ZEB1: variants seen among roughly 807,000 people sequenced by gnomAD.
The protein encoded by ZEB1 is zinc finger E-box-binding homeobox 1.
Under a neutral mutation model 84.9 loss-of-function variants are expected in ZEB1, and 21 were observed. That is an observed-to-expected ratio of 0.25 (90% CI 0.18 to 0.36). ZEB1 has a LOEUF of 0.36. Ranked by LOEUF, ZEB1 falls within the 10% of genes least tolerant of loss-of-function variation. ZEB1 has a pLI of 1.00. For synonymous variants in ZEB1, 420 were observed against 471.1 expected (o/e 0.89, Z 1.41); for missense variants, 1,104 against 1,330.2 (o/e 0.83, Z 2.65).
At chr10:31,511,753 A>G (rs1014285727) in intron 5 of ZEB1, among the ~76,000 whole-genome samples, 1 of 152,148 alleles carries the variant, frequency 6.6e-6, no homozygotes, top group Non-Finnish European at 1.5e-5. Context: ...GATGTACCTA[A>G]TATGTGTCAC....
At chr10:31,331,812 G>C (rs894702331) in intron 1 of ZEB1, among the ~76,000 whole-genome samples, 1 of 152,144 alleles carries the variant, frequency 6.6e-6, no homozygotes, top group African/African-American at 2.4e-5. Context: ...TAAAACTGTA[G>C]GGTGAGCGGA....
In ZEB1 at chr10:31,357,072, TTAAAAG is replaced by T. The variant is rs375250306; in HGVS notation, c.58+37784_58+37789del. ...CCATATAGAAATCTTCAATATCTATTTAAAAGTAAGAGGTCAAAAGTATTTCTAGGA... is the reference window on the plus strand; with the variant it reads ...CCATATAGAAATCTTCAATATCTATTTAAGAGGTCAAAAGTATTTCTAGGA... On this transcript the variant is annotated intron_variant, in intron 1 of 8. Coordinates refer to ENST00000424869, the MANE Select transcript of ZEB1 (RefSeq NM_001174096.2). 2.6e-4 allele frequency among the ~76,000 whole-genome samples: 39 copies of T among 152,238 alleles called. 1 individual carries two copies. The highest frequency in any genetic ancestry group is 8.2e-4 in the African/African-American group (34 of 41,548).
At chr10:31,327,974 C>G (rs1172443604) in intron 1 of ZEB1, among the ~76,000 whole-genome samples, 1 of 151,924 alleles carries the variant, frequency 6.6e-6, no homozygotes, top group African/African-American at 2.4e-5. Flanking sequence ...CTATTCATAC[C>G]CTTTACCCCT....
intron 1 of ZEB1, among the ~76,000 whole-genome samples, chr10:31,366,517 C>A (rs1461675217): frequency 1.3e-5 from 2 of 152,144 alleles, no homozygotes; most frequent in Non-Finnish European, 2.9e-5. Flanking sequence ...GTTACACTAT[C>A]ATAACATACC....
At chr10:31,404,979 G>A (rs1182600451) in intron 1 of ZEB1, among the ~76,000 whole-genome samples, 1 of 152,082 alleles carries the variant, frequency 6.6e-6, no homozygotes, top group African/African-American at 2.4e-5. Flanking sequence ...TTCTGCTACT[G>A]CTATGTTGAA....
intron 1 of ZEB1, chr10:31,363,535 T>A (rs1329776567): frequency 6.5e-7 from 1 of 1,528,416 alleles, no homozygotes; most frequent in African/African-American, 1.4e-5. Flanking sequence ...TTTATTGTCC[T>A]CCTGCCCCTG....
chr10:31,449,562 T>G (rs2060278215), intron 1 of ZEB1, among the ~76,000 whole-genome samples: 1 of 152,214 alleles, frequency 6.6e-6, no homozygotes, highest in African/African-American at 2.4e-5. Flanking sequence ...TTCCAAATGA[T>G]TTTTATTAAA....
intron 1 of ZEB1, among the ~76,000 whole-genome samples, chr10:31,360,718 G>A (rs373356940): frequency 4.6e-5 from 7 of 152,278 alleles, no homozygotes; most frequent in East Asian, 3.9e-4. Flanking sequence ...GTCTAATCAC[G>A]TTGAAATATT....
At chr10:31,374,338 G>A (rs764867054) in intron 1 of ZEB1, among the ~76,000 whole-genome samples, 5 of 151,750 alleles carry the variant, frequency 3.3e-5, no homozygotes, top group Non-Finnish European at 7.4e-5. Context: ...ACCCAGCACA[G>A]CATCTGTCAT....
intron 1 of ZEB1, among the ~76,000 whole-genome samples, chr10:31,378,256 G>T (rs2047024501): frequency 6.6e-6 from 1 of 151,422 alleles, no homozygotes; most frequent in Non-Finnish European, 1.5e-5. Context: ...GGAGGTCTAT[G>T]CTCTGATAGG....
Position 31,379,169 on chromosome 10 carries a change from G to A in ZEB1, c.58+59877G>A, listed in dbSNP as rs143412597. Among the ~76,000 whole-genome samples, 1,395 of 152,068 alleles carry A rather than the reference G, an allele frequency of 9.2e-3. 15 individuals are homozygous for A. Among genetic ancestry groups the A allele is most frequent in the Admixed American group, 0.015 (227 of 15,238 alleles). On this transcript the variant is annotated intron_variant, in intron 1 of 8. Coordinates refer to ENST00000424869, the MANE Select transcript of ZEB1 (RefSeq NM_001174096.2). The stretch of plus-strand genomic sequence containing the variant: ...ACAGAAGGACTCATTTGAATCATGA[G>A]ATAATTTGTGAGAATGCAGACCCAA...
At position 31,526,685 on chromosome 10, in the gene ZEB1, T is replaced by C. The variant is rs746188655; in HGVS notation, c.2799T>C (p.His933=). 10 of 1,613,974 alleles carry C rather than the reference T, an allele frequency of 6.2e-6. No homozygotes were observed. Among genetic ancestry groups the C allele is most frequent in the Middle Eastern group, 1.7e-4 (1 of 6,056 alleles). The change falls in exon 9 of 9, where the codon CAT becomes CAC. Residue 933 remains histidine, a synonymous_variant. Transcript: ENST00000424869. ...HKYEHTGKRP[H]ECGICKKAFK... ...CTTATTTTGCAGGTAAAAGACCTCA[T>C]GAGTGTGGAATCTGTAAAAAGGCAT...
intron 1 of ZEB1, among the ~76,000 whole-genome samples, chr10:31,364,824 C>G (rs1021837142): frequency 3.3e-5 from 5 of 152,206 alleles, no homozygotes; most frequent in African/African-American, 1.2e-4. Context: ...AGCATCTATT[C>G]TTATTTTTTC....
chr10:31,454,359 A>G (rs7087223), intron 1 of ZEB1, among the ~76,000 whole-genome samples: 37,904 of 152,058 alleles, frequency 0.25, 10,466 homozygotes, highest in African/African-American at 0.69. Flanking sequence ...CACAAGACAA[A>G]GATGCCCTCT....
intron 3 of ZEB1, among the ~76,000 whole-genome samples, chr10:31,497,924 AATAG>A (rs145458133): frequency 0.12 from 17,069 of 145,388 alleles, 1,023 homozygotes; most frequent in East Asian, 0.16. Flanking sequence ...AGGATGGAAA[AATAG>A]ATAGATAGAT....
chr10:31,480,223 G>A (rs1162010604), intron 2 of ZEB1, among the ~76,000 whole-genome samples: 3 of 151,982 alleles, frequency 2.0e-5, no homozygotes, highest in Non-Finnish European at 4.4e-5. Context: ...AAATTGACAT[G>A]TTTAAAAACT....
chr10:31,381,015 G>A (rs1205000529), intron 1 of ZEB1, among the ~76,000 whole-genome samples: 1 of 152,056 alleles, frequency 6.6e-6, no homozygotes, highest in Non-Finnish European at 1.5e-5. Flanking sequence ...CAAAGAACAT[G>A]ATACTTCATT....
At chr10:31,329,451 G>T (rs79800852) in intron 1 of ZEB1, among the ~76,000 whole-genome samples, 2,303 of 152,096 alleles carry the variant, frequency 0.015, 43 homozygotes, top group African/African-American at 0.052. Context: ...ATTAACTTGG[G>T]TTGTTTCTGG....
intron 1 of ZEB1, among the ~76,000 whole-genome samples, chr10:31,382,386 A>C (rs1293395523): frequency 6.6e-6 from 1 of 152,146 alleles, no homozygotes; most frequent in Non-Finnish European, 1.5e-5. Context: ...CTGAACAAAT[A>C]AGCTTGTTTT....
Sources: allele counts gnomAD v4.1 joint callset (sites outside exome capture counted in the v4.1 genomes callset), GRCh38; gene constraint gnomAD v4.1.1; transcripts MANE v1.5; gene names NCBI Gene and HGNC (gene_info 2026-07-23, HGNC 2026-07-21).